RYR3: variants seen among roughly 807,000 people sequenced by gnomAD.
The protein encoded by RYR3 is ryanodine receptor 3, also known as brain ryanodine receptor-calcium release channel.
RYR3 carries 207 observed loss-of-function variants against 584.3 expected under a neutral mutation model. The ratio of observed to expected loss-of-function variants is 0.35; its 90% CI spans 0.32 to 0.40. The LOEUF is 0.40. RYR3 is among the 10% of genes least tolerant of loss of function. The pLI is 1.00. For synonymous variants in RYR3, 2,416 were observed against 2,248.5 expected (o/e 1.07, Z -2.11); for missense variants, 5,616 against 6,089.2 (o/e 0.92, Z 2.59).
intron 10 of RYR3, among the ~76,000 whole-genome samples, chr15:33,558,377 GA>G (rs67893449): frequency 0.69 from 102,944 of 148,146 alleles, 37,840 homozygotes; most frequent in Middle Eastern, 0.85. Context: ...ATAGTTTGCT[GA>G]AGAATGATGG....
At chr15:33,628,051 TG>T (rs1434837721) in intron 20 of RYR3, among the ~76,000 whole-genome samples, 1 of 152,112 alleles carries the variant, frequency 6.6e-6, no homozygotes, top group East Asian at 1.9e-4. Flanking sequence ...AATTCAGCTT[TG>T]GGTAACATAT....
chr15:33,657,000 T>G (rs2062855102), intron 32 of RYR3, among the ~76,000 whole-genome samples: 1 of 152,110 alleles, frequency 6.6e-6, no homozygotes, highest in African/African-American at 2.4e-5. Context: ...CATAGCATGA[T>G]CATAAGAGTA....
intron 10 of RYR3, 22 bp from the exon 11 acceptor site, chr15:33,562,814 GT>G (rs1567543393): frequency 1.3e-6 from 2 of 1,589,118 alleles, no homozygotes; most frequent in Non-Finnish European, 1.7e-6. Flanking sequence ...GCCTATGTTT[GT>G]TTCTTTTTGT....
intron 3 of RYR3, among the ~76,000 whole-genome samples, chr15:33,517,194 C>T (rs993708163): frequency 2.0e-5 from 3 of 152,168 alleles, no homozygotes; most frequent in Non-Finnish European, 4.4e-5. Flanking sequence ...GAGGTTTCAC[C>T]GTGTTGGCCA....
chr15:33,566,329 T>C (rs1463348298), intron 11 of RYR3, among the ~76,000 whole-genome samples: 1 of 152,226 alleles, frequency 6.6e-6, no homozygotes, highest in Non-Finnish European at 1.5e-5. Flanking sequence ...ACAGTGACTT[T>C]TCCCATTTCC....
chr15:33,818,996 G>A (rs916843395), intron 76 of RYR3, among the ~76,000 whole-genome samples: 4 of 152,124 alleles, frequency 2.6e-5, no homozygotes, highest in Admixed American at 2.0e-4. Context: ...GGTGGTGCAC[G>A]CATGTAATCC....
chr15:33,434,918 T>C (rs2676027), intron 1 of RYR3, among the ~76,000 whole-genome samples: 43,824 of 151,938 alleles, frequency 0.29, 9,511 homozygotes, highest in African/African-American at 0.61. Context: ...CCCGGGTTCA[T>C]GCCATTCTCC....
chr15:33,526,366 C>T lies in RYR3; in HGVS notation c.280-4226C>T, dbSNP rs187273500. 4.6e-5 allele frequency among the ~76,000 whole-genome samples: 7 copies of T among 152,290 alleles called. No individual in the cohort carries two copies. The East Asian group carries it at 1.4e-3, about 29-fold the overall frequency. ...TCCACCCCCATCCTGCGAGATGGAA[C>T]CAAATATTTTCCTTCTGCCAGTGGT... On this transcript the variant is annotated intron_variant, in intron 3 of 103. Transcript: ENST00000634891.
At chr15:33,375,286 T>C (rs2040640746) in intron 1 of RYR3, among the ~76,000 whole-genome samples, 3 of 152,198 alleles carry the variant, frequency 2.0e-5, no homozygotes, top group Admixed American at 2.0e-4. Context: ...ATAGCAATTA[T>C]TGTTATTGCT....
chr15:33,503,088 A>G (rs1298984232), intron 2 of RYR3, among the ~76,000 whole-genome samples: 2 of 152,194 alleles, frequency 1.3e-5, no homozygotes, highest in African/African-American at 2.4e-5. Flanking sequence ...GGGATCATCA[A>G]TTCTTAAAGT....
intron 100 of RYR3, among the ~76,000 whole-genome samples, chr15:33,860,145 G>A (rs1054516328): frequency 1.3e-5 from 2 of 152,200 alleles, no homozygotes; most frequent in African/African-American, 2.4e-5. Flanking sequence ...CAAGATTGGA[G>A]AAAGATGATA....
intron 88 of RYR3, 51 bp from the exon 89 acceptor site, chr15:33,837,580 T>C: frequency 1.3e-6 from 2 of 1,488,274 alleles, no homozygotes; most frequent in African/African-American, 1.4e-5. Flanking sequence ...AGTGACATGA[T>C]AGCTTGGGTT....
chr15:33,603,199 G>C lies in RYR3; in HGVS notation c.1999G>C (p.Asp667His). The C allele has an allele frequency of 6.2e-7, 1 of 1,613,848 alleles. No homozygotes were observed. Among genetic ancestry groups the C allele is most frequent in the African/African-American group, 1.3e-5 (1 of 75,012 alleles). Residue 667 changes from aspartate to histidine, a missense_variant, in exon 18 of 104, where the codon GAC becomes CAC. This residue lies in a region of RYR3 where 1,284 missense variants were observed against 1,344.6 expected (regional missense o/e 0.95). Coordinates refer to ENST00000634891, the MANE Select transcript of RYR3 (RefSeq NM_001036.6). The stretch of plus-strand genomic sequence containing the variant: ...GAAGTGGTACTTCGAGCTGATTATC[G>C]ACCAGGTGGACCCCTTCCTAACAGC... ...YKKWYFELII[D>H]QVDPFLTAEP...
chr15:33,773,500 G>T, intron 63 of RYR3, 34 bp from the exon 64 acceptor site: 3 of 1,464,368 alleles, frequency 2.0e-6, no homozygotes, highest in Non-Finnish European at 2.8e-6. Context: ...ATTCAGGATT[G>T]ATGCAAATCA....
intron 32 of RYR3, 74 bp downstream of exon 32, chr15:33,652,957 T>C: frequency 7.0e-7 from 1 of 1,433,298 alleles, no homozygotes; most frequent in Non-Finnish European, 9.4e-7. Context: ...TTGTTCTCCG[T>C]ACTCAGCATT....
At chr15:33,487,245 C>T (rs114766012) in intron 2 of RYR3, among the ~76,000 whole-genome samples, 5 of 151,254 alleles carry the variant, frequency 3.3e-5, no homozygotes, top group Admixed American at 6.6e-5. Flanking sequence ...ATATTGATCC[C>T]GGAGTAGGCA....
chr15:33,805,201 A>T (rs1359984887), intron 69 of RYR3, among the ~76,000 whole-genome samples: 1 of 152,196 alleles, frequency 6.6e-6, no homozygotes, highest in Admixed American at 6.5e-5. Context: ...GGTAAGTTAG[A>T]ATGTGTTCAG....
At chr15:33,326,228 C>G (rs994811183) in intron 1 of RYR3, among the ~76,000 whole-genome samples, 1 of 152,176 alleles carries the variant, frequency 6.6e-6, no homozygotes, top group Admixed American at 6.6e-5. Flanking sequence ...GAAAAGACCC[C>G]TGGCAATCAT....
At chr15:33,818,428 C>G in intron 75 of RYR3, 150 bp from the exon 76 acceptor site, 2 of 603,968 alleles carry the variant, frequency 3.3e-6, no homozygotes, top group Non-Finnish European at 5.9e-6. Flanking sequence ...GGCTTCTATC[C>G]TGAAATAAAT....
Sources: allele counts gnomAD v4.1 joint callset (sites outside exome capture counted in the v4.1 genomes callset), GRCh38; gene constraint gnomAD v4.1.1; regional missense constraint gnomAD v4.1.1; transcripts MANE v1.5; gene names NCBI Gene and HGNC (gene_info 2026-07-23, HGNC 2026-07-21).